CAB39: variants seen among roughly 807,000 people sequenced by gnomAD.
The protein encoded by CAB39 is calcium-binding protein 39.
In CAB39, 8 loss-of-function variants were observed where a neutral mutation model predicts 40.0. The ratio of observed to expected loss-of-function variants is 0.20; its 90% CI spans 0.12 to 0.36. The LOEUF is 0.36. Among genes scored for constraint, CAB39 ranks in the 10% least tolerant of loss-of-function variants. The pLI, the probability that CAB39 is intolerant of heterozygous loss-of-function variation, is 1.00. For missense variants in CAB39, 270 were observed against 401.1 expected (o/e 0.67, Z 2.79); for synonymous variants, 156 against 141.6 (o/e 1.10, Z -0.72).
chr2:230,774,890 G>A (rs1695559123), intron 2 of CAB39, among the ~76,000 whole-genome samples: 1 of 152,066 alleles, frequency 6.6e-6, no homozygotes, highest in Non-Finnish European at 1.5e-5. Context: ...GAGGTAGAAA[G>A]CATTTATCAC....
At chr2:230,766,570 C>CT (rs1374589848) in intron 2 of CAB39, among the ~76,000 whole-genome samples, 2 of 152,322 alleles carry the variant, frequency 1.3e-5, no homozygotes, top group East Asian at 3.9e-4. Flanking sequence ...GGGTCTCACT[C>CT]TATCACTTAG....
intron 1 of CAB39, among the ~76,000 whole-genome samples, chr2:230,721,255 A>G (rs1694447662): frequency 6.6e-6 from 1 of 152,150 alleles, no homozygotes. Flanking sequence ...ACGTGGCGAA[A>G]CCATGTCTCT....
chr2:230,755,967 C>T (rs1695182177), intron 1 of CAB39, among the ~76,000 whole-genome samples: 1 of 152,190 alleles, frequency 6.6e-6, no homozygotes, highest in South Asian at 2.1e-4. Flanking sequence ...CCATGTGCTG[C>T]ACATCCTTCA....
intron 2 of CAB39, among the ~76,000 whole-genome samples, chr2:230,777,429 T>G (rs1241704732): frequency 1.3e-5 from 2 of 151,948 alleles, no homozygotes; most frequent in African/African-American, 4.8e-5. Context: ...TTTTGTTTTT[T>G]TTTTTTTAAA....
Position 230,801,867 on chromosome 2 carries a change from TA to T in CAB39, c.567+2983del, listed in dbSNP as rs61365992. On this transcript the variant is annotated intron_variant, in intron 5 of 8. Coordinates refer to ENST00000258418, the MANE Select transcript of CAB39 (RefSeq NM_016289.4). Reference sequence around the variant, plus strand: ...CTGGGCGACGGAGTGGGACTCTGTTTAAAAAAAAAAAAATGCTCTAAATATG... The same window carrying T: ...CTGGGCGACGGAGTGGGACTCTGTTTAAAAAAAAAAAATGCTCTAAATATG... 1.6e-3 allele frequency among the ~76,000 whole-genome samples: 240 copies of T among 145,736 alleles called. 1 individual carries two copies. Among genetic ancestry groups the T allele is most frequent in the East Asian group, 0.01 (51 of 5,068 alleles).
At chr2:230,773,198 G>GT (rs1264486272) in intron 2 of CAB39, among the ~76,000 whole-genome samples, 1 of 151,984 alleles carries the variant, frequency 6.6e-6, no homozygotes, top group African/African-American at 2.4e-5. Flanking sequence ...GGGTTGCATG[G>GT]TAGAGGGAGG....
At chr2:230,743,459 C>T (rs995515637) in intron 1 of CAB39, among the ~76,000 whole-genome samples, 11 of 152,066 alleles carry the variant, frequency 7.2e-5, no homozygotes, top group Non-Finnish European at 1.3e-4. Context: ...GAAGAAAATA[C>T]GTATTTACTT....
rs376581365 is a variant in CAB39, at chr2:230,799,641, A to G, written c.567+744A>G. Among the ~76,000 whole-genome samples the G allele has an allele frequency of 6.5e-4, 99 of 152,368 alleles. 1 individual carries two copies. The East Asian group carries it at 9.2e-3, about 14-fold the overall frequency. On this transcript the variant is annotated intron_variant, in intron 5 of 8. Coordinates refer to ENST00000258418, the MANE Select transcript of CAB39 (RefSeq NM_016289.4). The stretch of plus-strand genomic sequence containing the variant: ...ATGAGAGCAAGCGTTTGTAGGTTAC[A>G]TTCCCTTATATAAATTGCCTAACCT...
intron 2 of CAB39, among the ~76,000 whole-genome samples, chr2:230,789,736 C>T (rs143068687): frequency 7.3e-4 from 111 of 152,350 alleles, no homozygotes; most frequent in African/African-American, 2.5e-3. Flanking sequence ...CTCTGCCACT[C>T]TGCCCTGTTG....
chr2:230,728,687 G>A (rs961456032), intron 1 of CAB39, among the ~76,000 whole-genome samples: 5 of 152,158 alleles, frequency 3.3e-5, no homozygotes, highest in Non-Finnish European at 7.4e-5. Flanking sequence ...ATAGTTTACT[G>A]TAGCCCCGAA....
At chr2:230,801,295 C>T (rs547881853) in intron 5 of CAB39, among the ~76,000 whole-genome samples, 27 of 152,296 alleles carry the variant, frequency 1.8e-4, no homozygotes, top group Non-Finnish European at 3.4e-4. Context: ...AAAGAAACTC[C>T]AGTCAGGGAA....
chr2:230,749,795 T>G (rs754795340), intron 1 of CAB39, among the ~76,000 whole-genome samples: 26 of 152,196 alleles, frequency 1.7e-4, no homozygotes, highest in Non-Finnish European at 3.1e-4. Context: ...AGCAATAGAT[T>G]ATGAGGATAC....
At chr2:230,792,168 CT>C (rs1695903581) in intron 3 of CAB39, among the ~76,000 whole-genome samples, 1 of 152,210 alleles carries the variant, frequency 6.6e-6, no homozygotes, top group South Asian at 2.1e-4. Context: ...CATTTCATAG[CT>C]GATTTCATGT....
intron 1 of CAB39, among the ~76,000 whole-genome samples, chr2:230,744,396 C>G (rs187798166): frequency 6.6e-6 from 1 of 152,186 alleles, no homozygotes; most frequent in East Asian, 1.9e-4. Flanking sequence ...CAGGTTCAAG[C>G]AGTCCTCCTG....
chr2:230,723,585 C>T (rs140298983), intron 1 of CAB39, among the ~76,000 whole-genome samples: 2,555 of 152,226 alleles, frequency 0.017, 39 homozygotes, highest in South Asian at 0.028. Flanking sequence ...CTTTTAGTGC[C>T]CCACACTGTC....
At chr2:230,722,376 CA>C (rs1694470241) in intron 1 of CAB39, among the ~76,000 whole-genome samples, 1 of 152,148 alleles carries the variant, frequency 6.6e-6, no homozygotes, top group Non-Finnish European at 1.5e-5. Flanking sequence ...AGGCTGGCCT[CA>C]AACTCCTGGG....
chr2:230,780,901 A>T (rs958289703), intron 2 of CAB39, among the ~76,000 whole-genome samples: 23 of 152,130 alleles, frequency 1.5e-4, no homozygotes, highest in Non-Finnish European at 2.9e-4. Flanking sequence ...GACCAACATA[A>T]TGAGACCCCA....
intron 1 of CAB39, among the ~76,000 whole-genome samples, chr2:230,737,378 C>T (rs527647492): frequency 1.1e-4 from 17 of 152,236 alleles, no homozygotes; most frequent in Middle Eastern, 3.4e-3. Flanking sequence ...CCTGTCTCCC[C>T]GCTACCCTCT....
chr2:230,742,813 G>A (rs371789648), intron 1 of CAB39, among the ~76,000 whole-genome samples: 1 of 152,130 alleles, frequency 6.6e-6, no homozygotes. Context: ...TGGCAAATCG[G>A]AAAGGTTAAT....
Sources: gnomAD v4.1 joint callset for allele counts (sites outside exome capture counted in the v4.1 genomes callset) on GRCh38, gnomAD v4.1.1 for gene constraint, MANE v1.5 for transcripts, NCBI Gene and HGNC (gene_info 2026-07-23, HGNC 2026-07-21) for gene names.